The following PPP1R16B variants were observed in gnomAD, a reference collection of about 807,000 sequenced individuals.
PPP1R16B encodes protein phosphatase 1 regulatory inhibitor subunit 16B.
Under a neutral mutation model 61.7 loss-of-function variants are expected in PPP1R16B, and 14 were observed. That is an observed-to-expected ratio of 0.23 (90% CI 0.15 to 0.35). PPP1R16B has a LOEUF of 0.35. PPP1R16B is among the 10% of genes least tolerant of loss of function. The pLI, the probability that PPP1R16B is intolerant of heterozygous loss-of-function variation, is 1.00. For synonymous variants in PPP1R16B, 266 were observed against 305.3 expected (o/e 0.87, Z 1.34); for missense variants, 547 against 752.5 (o/e 0.73, Z 3.19).
intron 2 of PPP1R16B, among the ~76,000 whole-genome samples, chr20:38,878,796 T>A (rs1483438731): frequency 6.6e-6 from 1 of 152,226 alleles, no homozygotes; most frequent in Non-Finnish European, 1.5e-5. Context: ...ATGTATCTCC[T>A]ACCTGCAGGG....
In PPP1R16B at chr20:38,806,542, C is replaced by A. The variant is rs954834625; in HGVS notation, c.-102+750C>A. On this transcript the variant is annotated intron_variant, in intron 1 of 10. Coordinates refer to ENST00000299824, the MANE Select transcript of PPP1R16B (RefSeq NM_015568.4). The surrounding 1 kb of genome is among the most constrained non-coding windows in gnomAD (Gnocchi z 4.5). ...TCCGGCCCAGAGGAGCGCCCCCGGG[C>A]GCCGAGGATGGGCGGAGACGTGCAG... Among the ~76,000 whole-genome samples the A allele has an allele frequency of 6.6e-6, 1 of 152,126 alleles. No individual in the cohort carries two copies. The highest frequency in any genetic ancestry group is 1.5e-5 in the Non-Finnish European group (1 of 67,996).
At chr20:38,908,411 G>GA in intron 10 of PPP1R16B, among the ~76,000 whole-genome samples, 1 of 152,340 alleles carries the variant, frequency 6.6e-6, no homozygotes, top group East Asian at 1.9e-4. Flanking sequence ...GGTGATCGGG[G>GA]AGTGTGTTAG....
intron 2 of PPP1R16B, among the ~76,000 whole-genome samples, chr20:38,885,428 C>T (rs1024072135): frequency 1.3e-5 from 2 of 152,180 alleles, no homozygotes; most frequent in Admixed American, 1.3e-4. Context: ...ATAGAGAGTT[C>T]CAGAAGCAAA....
intron 1 of PPP1R16B, among the ~76,000 whole-genome samples, chr20:38,811,685 G>A (rs553740843): frequency 1.3e-5 from 2 of 152,300 alleles, no homozygotes; most frequent in Admixed American, 1.3e-4. Context: ...ACCCTCCCCA[G>A]GGGATATTTG....
At chr20:38,836,327 G>A in intron 2 of PPP1R16B, 152 bp downstream of exon 2, 5 of 1,159,642 alleles carry the variant, frequency 4.3e-6, no homozygotes, top group Non-Finnish European at 4.7e-6. Context: ...GGAAGTGGAC[G>A]TTCCTAGGAA....
intron 2 of PPP1R16B, among the ~76,000 whole-genome samples, chr20:38,878,668 CCCAGGGAT>C: frequency 6.6e-6 from 1 of 152,242 alleles, no homozygotes; most frequent in Admixed American, 6.5e-5. Context: ...ATTGAGGCAT[CCCAGGGAT>C]CTGGGATAAT....
chr20:38,816,364 G>C (rs2084735285), intron 1 of PPP1R16B, among the ~76,000 whole-genome samples: 1 of 152,202 alleles, frequency 6.6e-6, no homozygotes, highest in Non-Finnish European at 1.5e-5. Flanking sequence ...AGCTCATAGA[G>C]GTTGGATGTA....
intron 2 of PPP1R16B, among the ~76,000 whole-genome samples, chr20:38,863,049 G>C (rs1311307637): frequency 6.6e-6 from 1 of 152,108 alleles, no homozygotes; most frequent in Non-Finnish European, 1.5e-5. Flanking sequence ...TCGTGGTGCT[G>C]GGTCATGAAG....
In PPP1R16B at chr20:38,918,872, C is replaced by T. The variant is rs1180950416; in HGVS notation, c.*206C>T. ...GTTCTGCTTCCTGCTGCATCGTCTGCCATCTGACACAAGGCCTGTCGTGGC... is the reference window on the plus strand; with the variant it reads ...GTTCTGCTTCCTGCTGCATCGTCTGTCATCTGACACAAGGCCTGTCGTGGC... On this transcript the variant is annotated 3_prime_UTR_variant, in exon 11 of 11. Transcript: ENST00000299824. This position sits in a 1 kb window ranked among gnomAD's most constrained non-coding sequence, Gnocchi z 5.3. The T allele has an allele frequency of 3.7e-6, 2 of 543,852 alleles. No homozygotes were observed. The highest frequency in any genetic ancestry group is 5.8e-6 in the Non-Finnish European group (2 of 341,972). The allele number at this position is 543,852 out of a possible 1,614,324, so 33.7% of individuals were successfully genotyped here. A position where few individuals can be genotyped will look rare whatever the true frequency, so the allele number is the denominator to read the frequency against.
intron 1 of PPP1R16B, among the ~76,000 whole-genome samples, chr20:38,818,754 CTTT>C (rs577315309): frequency 6.5e-5 from 9 of 138,240 alleles, no homozygotes; most frequent in Admixed American, 7.3e-5. Context: ...TGATTGTCCT[CTTT>C]TTTTTTTTTT....
chr20:38,821,040 C>A (rs865894995), intron 1 of PPP1R16B, among the ~76,000 whole-genome samples: 504 of 121,374 alleles, frequency 4.2e-3, no homozygotes, highest in Middle Eastern at 0.014. Context: ...GACTCCGTCT[C>A]AAAAAAAAAA....
chr20:38,850,263 T>C (rs2084959778), intron 2 of PPP1R16B, among the ~76,000 whole-genome samples: 1 of 152,178 alleles, frequency 6.6e-6, no homozygotes, highest in Non-Finnish European at 1.5e-5. Context: ...ATGCTATGAT[T>C]GGTCTGGTTG....
At chr20:38,886,743 C>T (rs2085248073) in intron 2 of PPP1R16B, among the ~76,000 whole-genome samples, 1 of 152,202 alleles carries the variant, frequency 6.6e-6, no homozygotes, top group Non-Finnish European at 1.5e-5. Flanking sequence ...GGGTGATCTG[C>T]TTTGCTCAGT....
chr20:38,914,832 A>T (rs1346220954), intron 10 of PPP1R16B, among the ~76,000 whole-genome samples: 1 of 151,998 alleles, frequency 6.6e-6, no homozygotes, highest in Non-Finnish European at 1.5e-5. Flanking sequence ...ATGCCCAGCT[A>T]ATTTTTAAAT....
chr20:38,906,847 G>A, intron 7 of PPP1R16B, 132 bp from the exon 8 acceptor site: 1 of 736,256 alleles, frequency 1.4e-6, no homozygotes, highest in South Asian at 1.7e-5. Context: ...TAGTTTGCAG[G>A]CCTTCCCTGG....
At chr20:38,875,026 G>A (rs1568670100) in intron 2 of PPP1R16B, among the ~76,000 whole-genome samples, 2 of 152,212 alleles carry the variant, frequency 1.3e-5, no homozygotes, top group African/African-American at 4.8e-5. Context: ...CTTGTTAGAT[G>A]CTGATATGCA....
In PPP1R16B at chr20:38,919,738, C is replaced by G. The variant is rs1467618413; in HGVS notation, c.*1072C>G. On this transcript the variant is annotated 3_prime_UTR_variant, in exon 11 of 11. Transcript: ENST00000299824. Reference sequence around the variant, plus strand: ...GTTAACAGCGACAGAGCCCAGCACCCTGGGGTCTTTGTGAATATCCAGACT... The same window carrying G: ...GTTAACAGCGACAGAGCCCAGCACCGTGGGGTCTTTGTGAATATCCAGACT... 1 of 152,196 alleles carries G rather than the reference C, an allele frequency of 6.6e-6. No individual in the cohort carries two copies. Among genetic ancestry groups the G allele is most frequent in the Non-Finnish European group, 1.5e-5 (1 of 68,042 alleles). 9.4% of individuals were successfully genotyped at this position (152,196 alleles called of 1,614,324 possible).
chr20:38,907,758 C>T lies in PPP1R16B; in HGVS notation c.899-48C>T. 4 of 1,606,154 alleles carry T rather than the reference C, an allele frequency of 2.5e-6. No homozygotes were observed. The highest frequency in any genetic ancestry group is 1.7e-6 in the Non-Finnish European group (2 of 1,174,714). ...TCTGGTCTGGAGCACCCTCTTGCGC[C>T]ACAGGTCCTGGCCCCGTCCCCCACA... On this transcript the variant is annotated intron_variant, in intron 8 of 10. Transcript: ENST00000299824. This position sits in a 1 kb window ranked among gnomAD's most constrained non-coding sequence, Gnocchi z 4.5.
chr20:38,837,898 T>C (rs8122786), intron 2 of PPP1R16B, among the ~76,000 whole-genome samples: 1 of 152,176 alleles, frequency 6.6e-6, no homozygotes, highest in East Asian at 1.9e-4. Flanking sequence ...TTAATTTAAT[T>C]ATATTATTTT....
Sources: allele counts gnomAD v4.1 joint callset (sites outside exome capture counted in the v4.1 genomes callset), GRCh38; gene constraint gnomAD v4.1.1; non-coding constraint Gnocchi (gnomAD v3.1); transcripts MANE v1.5; gene names NCBI Gene and HGNC (gene_info 2026-07-23, HGNC 2026-07-21).